The following SLC16A7 variants were observed in gnomAD, a reference collection of about 807,000 sequenced individuals.
The protein encoded by SLC16A7 is monocarboxylate transporter 2.
SLC16A7 carries 33 observed loss-of-function variants against 34.9 expected under a neutral mutation model. The observed-to-expected ratio is 0.94, with a 90% confidence interval of 0.72 to 1.26. The LOEUF (loss-of-function observed/expected upper bound fraction) is 1.26. Among genes scored for constraint, SLC16A7 ranks in the 50% most tolerant of loss-of-function variants. The probability of loss-of-function intolerance (pLI) is 0.00; values close to 1 mark genes in which losing one functional copy is unlikely to be tolerated. For missense variants in SLC16A7, 573 were observed against 578.1 expected (o/e 0.99, Z 0.09); for synonymous variants, 201 against 206.6 (o/e 0.97, Z 0.23).
At position 59,779,661 on chromosome 12, in the gene SLC16A7, A is replaced by G; in HGVS notation, c.1419A>G (p.Glu473=). ...CAAATGCACAGAGTGTAACCTCAGA[A>G]AGAGAAACTAACATTTAACAAGAAT... is the stretch of plus-strand genomic sequence containing the variant. The part of the protein sequence containing the change: ...KVSNAQSVTS[E]RETNI The change falls in exon 6 of 6, where the codon GAA becomes GAG. Residue 473 remains glutamate (E), a synonymous_variant. Transcript: ENST00000547379. 1 of 1,609,284 alleles carries G rather than the reference A, an allele frequency of 6.2e-7. No homozygotes were observed. The highest frequency in any genetic ancestry group is 8.5e-7 in the Non-Finnish European group (1 of 1,177,090).
intron 2 of SLC16A7, among the ~76,000 whole-genome samples, chr12:59,678,624 G>A (rs992544057): frequency 2.6e-5 from 4 of 152,122 alleles, no homozygotes; most frequent in Non-Finnish European, 2.9e-5. Flanking sequence ...GGGAGGAAGT[G>A]CCTCCTGATT....
At chr12:59,743,156 C>T (rs888638781) in intron 3 of SLC16A7, among the ~76,000 whole-genome samples, 10 of 152,078 alleles carry the variant, frequency 6.6e-5, no homozygotes, top group Middle Eastern at 3.2e-3. Flanking sequence ...GATAATTAGT[C>T]ATACTGTTTA....
intron 1 of SLC16A7, among the ~76,000 whole-genome samples, chr12:59,598,986 T>A (rs1878555289): frequency 6.6e-6 from 1 of 152,214 alleles, no homozygotes; most frequent in African/African-American, 2.4e-5. Flanking sequence ...CCAGAAAGTT[T>A]CATAGCTTAT....
chr12:59,682,670 C>T (rs1175092015), intron 2 of SLC16A7, among the ~76,000 whole-genome samples: 1 of 152,050 alleles, frequency 6.6e-6, no homozygotes, highest in Admixed American at 6.6e-5. Flanking sequence ...GTGATTTCAT[C>T]ATGTGACAAT....
chr12:59,755,647 G>A (rs1455814820), intron 3 of SLC16A7, among the ~76,000 whole-genome samples: 1 of 152,142 alleles, frequency 6.6e-6, no homozygotes, highest in Non-Finnish European at 1.5e-5. Flanking sequence ...CTCATGGGTA[G>A]GAAGAATCAG....
intron 2 of SLC16A7, among the ~76,000 whole-genome samples, chr12:59,672,063 ATATATCCGTATATATATGTGTATATATCG>A (rs1451283460): frequency 0.071 from 1 of 14 alleles, no homozygotes; most frequent in African/African-American, 0.17. Context: ...TATATATCGC[ATATATCCGTATATATATGTGTATATATCG>A]CATATATCCG....
chr12:59,773,117 A>C (rs1490789767), intron 4 of SLC16A7, among the ~76,000 whole-genome samples: 1 of 151,860 alleles, frequency 6.6e-6, no homozygotes, highest in Non-Finnish European at 1.5e-5. Context: ...AAAAAAAAAA[A>C]CCTTAAGCTC....
At position 59,771,355 on chromosome 12, in the gene SLC16A7, C is replaced by T; in HGVS notation, c.354C>T (p.Phe118=). 1.3e-6 allele frequency: 2 copies of T among 1,597,112 alleles called. No homozygotes were observed. The highest frequency in any genetic ancestry group is 2.3e-5 in the East Asian group (1 of 43,534). ...TACAGCTGTACCTCACTATGGGATT[C>T]ATTACAGGTAAGCCATTTAGTCTTC... ...SVVQLYLTMG[F]ITGLGLAFNL... Residue 118 remains phenylalanine (F), a synonymous_variant, in exon 4 of 6, where the codon TTC becomes TTT. Coordinates refer to ENST00000547379, the MANE Select transcript of SLC16A7 (RefSeq NM_001270623.2).
At chr12:59,602,097 G>C (rs1878712321) in intron 1 of SLC16A7, among the ~76,000 whole-genome samples, 2 of 152,164 alleles carry the variant, frequency 1.3e-5, no homozygotes, top group African/African-American at 4.8e-5. Context: ...AGATCAAATT[G>C]AGATTGTTTA....
Position 59,779,753 on chromosome 12 carries a change from T to A in SLC16A7, c.*74T>A. ...TGTTTTTCATTTTGTTTTTTTAAAG[T>A]ATTAGAAAAGGTTTTAGCTGAAATG... On this transcript the variant is annotated 3_prime_UTR_variant, in exon 6 of 6. Coordinates refer to ENST00000547379, the MANE Select transcript of SLC16A7 (RefSeq NM_001270623.2). 1 of 1,264,838 alleles carries A rather than the reference T, an allele frequency of 7.9e-7. No individual in the cohort carries two copies. Among genetic ancestry groups the A allele is most frequent in the Non-Finnish European group, 1.1e-6 (1 of 917,732 alleles). 78.4% of individuals were successfully genotyped at this position (1,264,838 alleles called of 1,614,324 possible).
chr12:59,654,928 G>A (rs1448805044), intron 1 of SLC16A7, among the ~76,000 whole-genome samples: 1 of 151,788 alleles, frequency 6.6e-6, no homozygotes, highest in Admixed American at 6.6e-5. Flanking sequence ...TATAACATGG[G>A]GCTAGTGGTG....
In SLC16A7 at chr12:59,788,187, G is replaced by C. The variant is rs1883752265; in HGVS notation, c.*8508G>C. 1 of 152,050 alleles carries C rather than the reference G, an allele frequency of 6.6e-6. No individual in the cohort carries two copies. The highest frequency in any genetic ancestry group is 1.5e-5 in the Non-Finnish European group (1 of 68,000). The allele number at this position is 152,050 out of a possible 1,614,324, so 9.4% of individuals were successfully genotyped here. A position where few individuals can be genotyped will look rare whatever the true frequency, so the allele number is the denominator to read the frequency against. On this transcript the variant is annotated 3_prime_UTR_variant, in exon 6 of 6. Transcript: ENST00000547379. ...TGAAACAAATATTTAAAATAAGATT[G>C]TTGGAATAAAAGTTATAGATAGTCA...
intron 1 of SLC16A7, among the ~76,000 whole-genome samples, chr12:59,649,612 T>C (rs1209650484): frequency 6.6e-6 from 1 of 152,094 alleles, no homozygotes; most frequent in Non-Finnish European, 1.5e-5. Context: ...ATTAACTGGA[T>C]CTATACCTCT....
At chr12:59,772,435 G>T (rs557588016) in intron 4 of SLC16A7, among the ~76,000 whole-genome samples, 2 of 152,254 alleles carry the variant, frequency 1.3e-5, no homozygotes, top group South Asian at 4.1e-4. Flanking sequence ...GTAGGGAAAA[G>T]ATGATTTTGT....
intron 3 of SLC16A7, among the ~76,000 whole-genome samples, chr12:59,712,345 A>G (rs1874325546): frequency 6.6e-6 from 1 of 152,222 alleles, no homozygotes; most frequent in Non-Finnish European, 1.5e-5. Context: ...AAAGAAATCT[A>G]TGCCCTTTAC....
intron 1 of SLC16A7, among the ~76,000 whole-genome samples, chr12:59,632,606 G>A (rs996385800): frequency 6.6e-6 from 1 of 151,912 alleles, no homozygotes; most frequent in Non-Finnish European, 1.5e-5. Flanking sequence ...CCTTGCCCTA[G>A]TCCTGACACT....
chr12:59,730,525 A>AAAT (rs142325111), intron 3 of SLC16A7, among the ~76,000 whole-genome samples: 31 of 151,592 alleles, frequency 2.0e-4, no homozygotes, highest in Middle Eastern at 6.9e-3. Flanking sequence ...TTGGTAAAGC[A>AAAT]AATAATAATA....
chr12:59,761,159 C>A, intron 3 of SLC16A7: 1 of 1,286,178 alleles, frequency 7.8e-7, no homozygotes, highest in Non-Finnish European at 1.0e-6. Flanking sequence ...TCTTCACATC[C>A]TTGAGGATTC....
intron 3 of SLC16A7, chr12:59,764,016 G>A (rs1881288007): frequency 6.6e-6 from 1 of 152,096 alleles, no homozygotes; most frequent in African/African-American, 2.4e-5. Context: ...AACCTACAGT[G>A]GCTTCTAAGT....
Sources: allele counts gnomAD v4.1 joint callset (sites outside exome capture counted in the v4.1 genomes callset), GRCh38; gene constraint gnomAD v4.1.1; transcripts MANE v1.5; gene names NCBI Gene and HGNC (gene_info 2026-07-23, HGNC 2026-07-21).